Variants in SV2C observed in about 807,000 individuals in gnomAD.
SV2C encodes the protein synaptic vesicle glycoprotein 2C.
SV2C carries 49 observed loss-of-function variants against 79.7 expected under a neutral mutation model. The ratio of observed to expected loss-of-function variants is 0.61; its 90% CI spans 0.49 to 0.78. The LOEUF is 0.78. SV2C is among the 30% of genes least tolerant of loss of function. SV2C has a pLI of 0.00. For synonymous variants in SV2C, 334 were observed against 333.2 expected, an observed-to-expected ratio of 1.00 and a Z score of -0.03; for missense variants, 833 against 912.9, an observed-to-expected ratio of 0.91 and a Z score of 1.13.
At chr5:76,134,583 C>T (rs148782275) in intron 2 of SV2C, among the ~76,000 whole-genome samples, 15 of 152,180 alleles carry the variant, frequency 9.9e-5, no homozygotes, top group Admixed American at 7.2e-4. Context: ...TCAAGGAAGA[C>T]CAGGAACAAA....
chr5:75,849,853 C>T, the SV2C span, among the ~76,000 whole-genome samples: 25 of 152,082 alleles, frequency 1.6e-4, no homozygotes, highest in Admixed American at 6.5e-4. Flanking sequence ...AACTCTCAAA[C>T]GATATTGGGT....
At chr5:76,241,667 G>A (rs1461570736) in intron 4 of SV2C, among the ~76,000 whole-genome samples, 1 of 151,010 alleles carries the variant, frequency 6.6e-6, no homozygotes, top group Non-Finnish European at 1.5e-5. Context: ...AAGAGGGAAA[G>A]GGAGACGAGG....
In SV2C at chr5:76,089,542, C is replaced by G. The variant is rs144525582; in HGVS notation, c.-102+6030C>G. On this transcript the variant is annotated intron_variant, in intron 1 of 12. Transcript: ENST00000502798. The stretch of plus-strand genomic sequence containing the variant: ...GATTTATATTCCTTTGGTTATATAC[C>G]CAGTAATGGGATTGCTAGGTCCAAT... Among the ~76,000 whole-genome samples the G allele has an allele frequency of 1.2e-3, 181 of 152,156 alleles. 1 individual carries two copies. In the South Asian group the frequency reaches 0.036, roughly 30 times the overall value.
chr5:76,138,487 T>C (rs1749140447), intron 2 of SV2C, among the ~76,000 whole-genome samples: 1 of 152,206 alleles, frequency 6.6e-6, no homozygotes, highest in Admixed American at 6.5e-5. Context: ...TAATAGAAGA[T>C]ATCACCTGTT....
intron 2 of SV2C, among the ~76,000 whole-genome samples, chr5:76,149,017 T>C (rs1441933149): frequency 1.3e-5 from 2 of 152,184 alleles, no homozygotes; most frequent in African/African-American, 4.8e-5. Context: ...GGTTGCCAGA[T>C]GCTTATATTA....
intron 4 of SV2C, among the ~76,000 whole-genome samples, chr5:76,275,674 AGCT>A (rs939421912): frequency 6.6e-6 from 1 of 152,176 alleles, no homozygotes; most frequent in Non-Finnish European, 1.5e-5. Flanking sequence ...CTGGGGAGGC[AGCT>A]GTTTTCTGCG....
At chr5:75,888,216 G>C in the SV2C span, among the ~76,000 whole-genome samples, 3 of 151,988 alleles carry the variant, frequency 2.0e-5, no homozygotes, top group South Asian at 4.2e-4. Context: ...AGATGGTGTA[G>C]TCCGCTGCAA....
intron 2 of SV2C, among the ~76,000 whole-genome samples, chr5:76,185,889 G>A (rs1743901379): frequency 6.6e-6 from 1 of 152,178 alleles, no homozygotes; most frequent in Non-Finnish European, 1.5e-5. Context: ...CCCAGAAAAT[G>A]GGTTTTTCTT....
At chr5:76,281,047 C>T in intron 4 of SV2C, 1 of 541,244 alleles carries the variant, frequency 1.8e-6, no homozygotes. Context: ...AATCAGTCGG[C>T]CCCTGGCCAG....
intron 1 of SV2C, among the ~76,000 whole-genome samples, chr5:76,128,484 T>G (rs780310685): frequency 3.0e-4 from 46 of 152,176 alleles, no homozygotes; most frequent in Non-Finnish European, 6.2e-4. Flanking sequence ...GTGAGACCAC[T>G]GGGTGAGGCA....
the SV2C span, among the ~76,000 whole-genome samples, chr5:75,878,560 C>G: frequency 6.6e-6 from 1 of 152,084 alleles, no homozygotes; most frequent in Non-Finnish European, 1.5e-5. Context: ...AGTTCAAGCC[C>G]TAAACTAATT....
At chr5:76,310,282 G>A (rs779755604) in intron 12 of SV2C, among the ~76,000 whole-genome samples, 27 of 152,210 alleles carry the variant, frequency 1.8e-4, no homozygotes, top group African/African-American at 6.5e-4. Flanking sequence ...GAATGCTGGG[G>A]TAAGGAGAGT....
the SV2C span, among the ~76,000 whole-genome samples, chr5:75,922,602 G>A: frequency 1.3e-5 from 2 of 152,112 alleles, no homozygotes; most frequent in Admixed American, 1.3e-4. Context: ...CCTCACCCTG[G>A]GAATAAAAGA....
the SV2C span, among the ~76,000 whole-genome samples, chr5:75,979,939 CTGTT>C: frequency 6.6e-6 from 1 of 152,048 alleles, no homozygotes; most frequent in Non-Finnish European, 1.5e-5. Flanking sequence ...ATTCCAGGAG[CTGTT>C]TGTTTGAAAA....
chr5:76,243,105 A>G (rs1745843256), intron 4 of SV2C, among the ~76,000 whole-genome samples: 1 of 151,832 alleles, frequency 6.6e-6, no homozygotes, highest in African/African-American at 2.4e-5. Flanking sequence ...CATTACTAGG[A>G]TAAAATGAGA....
At chr5:76,256,951 T>C (rs1746287013) in intron 4 of SV2C, among the ~76,000 whole-genome samples, 1 of 152,260 alleles carries the variant, frequency 6.6e-6, no homozygotes, top group African/African-American at 2.4e-5. Context: ...TCTAGCTGAA[T>C]GAAAATTGCC....
intron 12 of SV2C, among the ~76,000 whole-genome samples, chr5:76,322,797 T>A (rs1748874044): frequency 6.6e-6 from 1 of 152,162 alleles, no homozygotes; most frequent in Admixed American, 6.5e-5. Flanking sequence ...AAAGATCTCC[T>A]ATTCAAAAAA....
At chr5:76,339,183 C>T (rs892851135) in intron 12 of SV2C, among the ~76,000 whole-genome samples, 6 of 152,078 alleles carry the variant, frequency 3.9e-5, no homozygotes, top group Non-Finnish European at 7.4e-5. Context: ...TCACAATTTA[C>T]GCATTTTAAA....
the SV2C span, among the ~76,000 whole-genome samples, chr5:75,942,181 G>A: frequency 1.3e-5 from 2 of 152,204 alleles, no homozygotes; most frequent in African/African-American, 4.8e-5. Context: ...AAGCTCCTAT[G>A]TCTGGGATCC....
Sources: gnomAD v4.1 joint callset for allele counts (sites outside exome capture counted in the v4.1 genomes callset) on GRCh38, gnomAD v4.1.1 for gene constraint, MANE v1.5 for transcripts, NCBI Gene and HGNC (gene_info 2026-07-23, HGNC 2026-07-21) for gene names.